Variants in ITGA9 observed in about 807,000 individuals in gnomAD.
ITGA9 encodes integrin alpha-9.
ITGA9 carries 56 observed loss-of-function variants against 127.8 expected under a neutral mutation model. The observed-to-expected ratio is 0.44, with a 90% confidence interval of 0.35 to 0.55. The LOEUF (loss-of-function observed/expected upper bound fraction) is 0.55. ITGA9 is among the 20% of genes least tolerant of loss of function. ITGA9 has a pLI of 0.00. For missense variants in ITGA9, 1,196 were observed against 1,347.1 expected (o/e 0.89, Z 1.76); for synonymous variants, 508 against 514.5 (o/e 0.99, Z 0.17).
At chr3:37,749,442 G>C (rs1254958747) in intron 22 of ITGA9, 1 of 152,502 alleles carries the variant, frequency 6.6e-6, no homozygotes, top group Non-Finnish European at 1.5e-5. Context: ...ATCTTTGGGG[G>C]GCCTGTCATG....
chr3:37,642,160 G>A (rs1559556353), intron 16 of ITGA9, among the ~76,000 whole-genome samples: 1 of 151,940 alleles, frequency 6.6e-6, no homozygotes, highest in African/African-American at 2.4e-5. Flanking sequence ...TGCCCAGGCT[G>A]GTCTTGAACT....
rs543247376 is a variant in ITGA9, at chr3:37,687,473, T to A, written c.2067+3458T>A. ...CCAGAATAATTGGAACAGAAGCCATTCCTTAGACAGCAAAGGAGGATCTCC... is the reference window on the plus strand; with the variant it reads ...CCAGAATAATTGGAACAGAAGCCATACCTTAGACAGCAAAGGAGGATCTCC... On this transcript the variant is annotated intron_variant, in intron 18 of 27. Transcript: ENST00000264741. Among the ~76,000 whole-genome samples the A allele has an allele frequency of 2.0e-5, 3 of 152,260 alleles. No homozygotes were observed. The East Asian group carries it at 5.8e-4, about 29-fold the overall frequency.
At chr3:37,503,127 C>G in intron 5 of ITGA9, 51 bp from the exon 6 acceptor site, 1 of 1,605,872 alleles carries the variant, frequency 6.2e-7, no homozygotes, top group Non-Finnish European at 8.5e-7. Context: ...GCATTCCCCT[C>G]CTCCCCTCCT....
intron 26 of ITGA9, among the ~76,000 whole-genome samples, chr3:37,787,150 G>C (rs1226774665): frequency 1.3e-5 from 2 of 152,152 alleles, no homozygotes; most frequent in Non-Finnish European, 2.9e-5. Flanking sequence ...TCATAGTTCT[G>C]GTTTAAAAGT....
chr3:37,622,350 A>G (rs949879266), intron 15 of ITGA9, among the ~76,000 whole-genome samples: 3 of 151,848 alleles, frequency 2.0e-5, no homozygotes, highest in African/African-American at 7.3e-5. Flanking sequence ...CGGCCTCCCA[A>G]AGTGCTGGGA....
At chr3:37,610,428 G>A (rs1700005292) in intron 15 of ITGA9, among the ~76,000 whole-genome samples, 1 of 152,162 alleles carries the variant, frequency 6.6e-6, no homozygotes, top group Non-Finnish European at 1.5e-5. Flanking sequence ...AATGATTTCT[G>A]TTCTTTTTAC....
chr3:37,678,565 T>G (rs533077265), intron 17 of ITGA9, among the ~76,000 whole-genome samples: 4 of 152,342 alleles, frequency 2.6e-5, no homozygotes, highest in African/African-American at 9.6e-5. Flanking sequence ...TGAGAATTTT[T>G]TTAATGCAAA....
At chr3:37,526,781 A>G (rs1289596673) in intron 13 of ITGA9, among the ~76,000 whole-genome samples, 1 of 152,250 alleles carries the variant, frequency 6.6e-6, no homozygotes, top group Non-Finnish European at 1.5e-5. Flanking sequence ...ACTTTCTAAA[A>G]TAGACTAATA....
intron 15 of ITGA9, among the ~76,000 whole-genome samples, chr3:37,582,742 C>T (rs1699721544): frequency 6.6e-6 from 1 of 152,182 alleles, no homozygotes; most frequent in Non-Finnish European, 1.5e-5. Context: ...TTCTCCAAGA[C>T]TGATTGGCTG....
At chr3:37,704,353 A>C (rs1700980420) in intron 18 of ITGA9, among the ~76,000 whole-genome samples, 1 of 152,168 alleles carries the variant, frequency 6.6e-6, no homozygotes, top group Non-Finnish European at 1.5e-5. Context: ...AGGTCCTGGA[A>C]AGCTGGCAGC....
Position 37,588,839 on chromosome 3 carries a change from C to A in ITGA9, c.1690-40348C>A, listed in dbSNP as rs548645256. Among the ~76,000 whole-genome samples the A allele has an allele frequency of 2.8e-3, 429 of 152,252 alleles. 10 individuals are homozygous for A. Among genetic ancestry groups the A allele is most frequent in the Admixed American group, 0.025 (381 of 15,298 alleles). On this transcript the variant is annotated intron_variant, in intron 15 of 27. Coordinates refer to ENST00000264741, the MANE Select transcript of ITGA9 (RefSeq NM_002207.3). ...CAGTGATGGCTGGAGCCCTGGGGGT[C>A]CTTAGTTTCCTAGCAAGTGCCCTGT...
At chr3:37,679,195 G>C (rs1260888705) in intron 17 of ITGA9, among the ~76,000 whole-genome samples, 1 of 151,864 alleles carries the variant, frequency 6.6e-6, no homozygotes, top group East Asian at 1.9e-4. Flanking sequence ...CCACTTAAAA[G>C]ACTGCACAAG....
intron 17 of ITGA9, among the ~76,000 whole-genome samples, chr3:37,679,595 T>G (rs1279608077): frequency 6.6e-6 from 1 of 152,128 alleles, no homozygotes; most frequent in East Asian, 1.9e-4. Flanking sequence ...GATGATCTGT[T>G]GTGGGGATGT....
At chr3:37,478,159 G>A (rs1334635896) in intron 3 of ITGA9, among the ~76,000 whole-genome samples, 1 of 152,112 alleles carries the variant, frequency 6.6e-6, no homozygotes. Flanking sequence ...AGCTTCTTAG[G>A]GGAGTCTCAT....
At chr3:37,525,714 G>C (rs1382890139) in intron 12 of ITGA9, among the ~76,000 whole-genome samples, 3 of 152,140 alleles carry the variant, frequency 2.0e-5, no homozygotes, top group Admixed American at 2.0e-4. Flanking sequence ...TAATCAATAT[G>C]AAAGTTATTA....
At position 37,542,507 on chromosome 3, in the gene ITGA9, G is replaced by A; in HGVS notation, c.1611G>A (p.Glu537=). ...MPRVYFVLLG[E]TMGQVTEKLQ... Reference sequence around the variant, plus strand: ...GGGTCTACTTTGTGCTGCTGGGAGAGACCATGGGTCAGGTCACAGAGAAGC... The same window carrying A: ...GGGTCTACTTTGTGCTGCTGGGAGAAACCATGGGTCAGGTCACAGAGAAGC... The change falls in exon 15 of 28, where the codon GAG becomes GAA. Residue 537 remains glutamate (E), a synonymous_variant. Transcript: ENST00000264741. 1 of 1,614,118 alleles carries A rather than the reference G, an allele frequency of 6.2e-7. No homozygotes were observed. Among genetic ancestry groups the A allele is most frequent in the African/African-American group, 1.3e-5 (1 of 75,026 alleles).
chr3:37,798,372 A>T (rs1024458658), intron 26 of ITGA9, among the ~76,000 whole-genome samples: 2 of 152,200 alleles, frequency 1.3e-5, no homozygotes, highest in African/African-American at 4.8e-5. Context: ...AATCAGGCAA[A>T]AAGATGATTA....
intron 15 of ITGA9, among the ~76,000 whole-genome samples, chr3:37,592,652 G>T (rs1395507671): frequency 6.6e-6 from 1 of 152,176 alleles, no homozygotes; most frequent in Non-Finnish European, 1.5e-5. Flanking sequence ...AAACGGCGAG[G>T]TCAAGTCAGC....
At chr3:37,665,296 GT>G in intron 17 of ITGA9, among the ~76,000 whole-genome samples, 1 of 151,964 alleles carries the variant, frequency 6.6e-6, no homozygotes, top group Non-Finnish European at 1.5e-5. Context: ...AATGGTTGCT[GT>G]TTCTGGAATC....
Sources: allele counts gnomAD v4.1 joint callset (sites outside exome capture counted in the v4.1 genomes callset), GRCh38; gene constraint gnomAD v4.1.1; transcripts MANE v1.5; gene names NCBI Gene and HGNC (gene_info 2026-07-23, HGNC 2026-07-21).